The following BMP6 variants were observed in gnomAD, a reference collection of about 807,000 sequenced individuals.
BMP6 encodes bone morphogenetic protein 6.
A neutral mutation model predicts 54.1 loss-of-function variants in BMP6; 17 were observed. That is an observed-to-expected ratio of 0.31 (90% confidence interval 0.22 to 0.47). The LOEUF (loss-of-function observed/expected upper bound fraction) is 0.47. Among genes scored for constraint, BMP6 ranks in the 20% least tolerant of loss-of-function variants. The pLI is 1.00. For synonymous variants in BMP6, 328 were observed against 291.2 expected (o/e 1.13, Z -1.28); for missense variants, 720 against 690.4 (o/e 1.04, Z -0.48).
chr6:7,820,229 A>AT (rs1180019245), intron 1 of BMP6, among the ~76,000 whole-genome samples: 1 of 152,156 alleles, frequency 6.6e-6, no homozygotes, highest in African/African-American at 2.4e-5. Context: ...CATACATGTG[A>AT]TTTTGTAAGT....
chr6:7,807,845 T>A (rs988407678), intron 1 of BMP6, among the ~76,000 whole-genome samples: 1 of 152,070 alleles, frequency 6.6e-6, no homozygotes, highest in African/African-American at 2.4e-5. Flanking sequence ...AATGCAGACA[T>A]TGGCCTGCAA....
At chr6:7,783,663 C>T (rs923427869) in intron 1 of BMP6, among the ~76,000 whole-genome samples, 2 of 152,138 alleles carry the variant, frequency 1.3e-5, no homozygotes, top group African/African-American at 4.8e-5. Flanking sequence ...TCATGTCTTC[C>T]CCCTCCTTTC....
Position 7,771,833 on chromosome 6 carries a change from A to C in BMP6, c.664+44214A>C, listed in dbSNP as rs566530466. On this transcript the variant is annotated intron_variant, in intron 1 of 6. Coordinates refer to ENST00000283147, the MANE Select transcript of BMP6 (RefSeq NM_001718.6). ...TTTGGGAGGCCGAGGCGGGTGGATC[A>C]CCTGAGGTCAGGAGTTTGAGACCAG... 1.5e-3 allele frequency among the ~76,000 whole-genome samples: 226 copies of C among 152,194 alleles called. 2 individuals are homozygous for C. The highest frequency in any genetic ancestry group is 2.5e-3 in the Admixed American group (38 of 15,292).
chr6:7,774,184 C>G (rs1241364177), intron 1 of BMP6, among the ~76,000 whole-genome samples: 2 of 152,198 alleles, frequency 1.3e-5, no homozygotes, highest in African/African-American at 4.8e-5. Context: ...GTTTGGGTGG[C>G]TCCCTCAGCC....
intron 1 of BMP6, among the ~76,000 whole-genome samples, chr6:7,737,806 T>C (rs1761977399): frequency 1.3e-5 from 2 of 152,144 alleles, no homozygotes; most frequent in Admixed American, 1.3e-4. Flanking sequence ...CAGAAATGAC[T>C]CATTTTCACC....
chr6:7,825,491 C>T (rs924393739), intron 1 of BMP6, among the ~76,000 whole-genome samples: 8 of 152,058 alleles, frequency 5.3e-5, no homozygotes, highest in Non-Finnish European at 8.8e-5. Flanking sequence ...GAGGCTGAGG[C>T]GGGCGGATCA....
intron 1 of BMP6, among the ~76,000 whole-genome samples, chr6:7,814,511 C>T (rs1274327180): frequency 6.6e-6 from 1 of 152,172 alleles, no homozygotes; most frequent in Non-Finnish European, 1.5e-5. Context: ...CTTTCACATA[C>T]AGTGTACAAT....
rs1759715947 is a variant in BMP6 at position 7,881,127 on chromosome 6, T to A, written c.*784T>A. 1 of 152,234 alleles carries A rather than the reference T, an allele frequency of 6.6e-6. No homozygotes were observed. The highest frequency in any genetic ancestry group is 2.4e-5 in the African/African-American group (1 of 41,360). The allele number at this position is 152,234 out of a possible 1,614,324, so 9.4% of individuals were successfully genotyped here. On this transcript the variant is annotated 3_prime_UTR_variant, in exon 7 of 7. Transcript: ENST00000283147. ...CGGTTCTTTGACCAGCACATTAACT[T>A]CTGGACTGCCGGCTCTAGTACCTTT...
At chr6:7,753,662 C>G (rs1757459941) in intron 1 of BMP6, among the ~76,000 whole-genome samples, 1 of 152,196 alleles carries the variant, frequency 6.6e-6, no homozygotes, top group Non-Finnish European at 1.5e-5. Flanking sequence ...GCCTAGAAAT[C>G]TACAAAATAA....
intron 4 of BMP6, among the ~76,000 whole-genome samples, chr6:7,868,258 C>T (rs1422338230): frequency 1.3e-5 from 2 of 152,168 alleles, no homozygotes; most frequent in Non-Finnish European, 2.9e-5. Context: ...TGTTGCTTCT[C>T]AATGTTGACC....
chr6:7,854,274 G>A (rs1006016529), intron 2 of BMP6, among the ~76,000 whole-genome samples: 8 of 152,120 alleles, frequency 5.3e-5, no homozygotes, highest in East Asian at 1.9e-4. Flanking sequence ...AGGCCATGCC[G>A]GTGGTTAAGA....
At chr6:7,876,638 ATAAC>A (rs374499245) in intron 4 of BMP6, among the ~76,000 whole-genome samples, 46 of 152,346 alleles carry the variant, frequency 3.0e-4, no homozygotes, top group African/African-American at 1.0e-3. Flanking sequence ...TGTTTAATGT[ATAAC>A]TAATCTGTTA....
intron 1 of BMP6, among the ~76,000 whole-genome samples, chr6:7,832,891 T>C (rs766573701): frequency 4.3e-4 from 65 of 150,208 alleles, no homozygotes; most frequent in Admixed American, 6.7e-4. Flanking sequence ...GTGGGACAAA[T>C]AGAGCAATTT....
chr6:7,806,269 T>A (rs1758346127), intron 1 of BMP6, among the ~76,000 whole-genome samples: 1 of 152,216 alleles, frequency 6.6e-6, no homozygotes, highest in Non-Finnish European at 1.5e-5. Flanking sequence ...CACCTCAACC[T>A]GATGAAATTG....
intron 2 of BMP6, among the ~76,000 whole-genome samples, chr6:7,861,004 A>C: frequency 6.6e-6 from 1 of 152,160 alleles, no homozygotes; most frequent in East Asian, 1.9e-4. Flanking sequence ...TATCATAAAT[A>C]AATTTTTAAA....
chr6:7,791,094 C>T (rs369123836), intron 1 of BMP6, among the ~76,000 whole-genome samples: 1 of 152,212 alleles, frequency 6.6e-6, no homozygotes, highest in East Asian at 1.9e-4. Flanking sequence ...TCCTTCTCTT[C>T]TGCTCCCCTT....
chr6:7,728,197 C>T (rs918392231), intron 1 of BMP6, among the ~76,000 whole-genome samples: 1 of 152,136 alleles, frequency 6.6e-6, no homozygotes, highest in Non-Finnish European at 1.5e-5. Flanking sequence ...CCCAAAAGGA[C>T]CGCGGAAGGC....
At chr6:7,838,622 A>T (rs1404516003) in intron 1 of BMP6, among the ~76,000 whole-genome samples, 2 of 152,212 alleles carry the variant, frequency 1.3e-5, no homozygotes, top group Non-Finnish European at 2.9e-5. Flanking sequence ...TTTTAAAGGC[A>T]GTGATGTGAA....
At chr6:7,820,950 G>T (rs1238189276) in intron 1 of BMP6, among the ~76,000 whole-genome samples, 3 of 152,224 alleles carry the variant, frequency 2.0e-5, no homozygotes, top group Non-Finnish European at 4.4e-5. Flanking sequence ...TAGTGCCAAG[G>T]CTAATCTGAC....
Sources: gnomAD v4.1 joint callset for allele counts (sites outside exome capture counted in the v4.1 genomes callset) on GRCh38, gnomAD v4.1.1 for gene constraint, MANE v1.5 for transcripts, NCBI Gene and HGNC (gene_info 2026-07-23, HGNC 2026-07-21) for gene names.